CORIN: variants seen among roughly 807,000 people sequenced by gnomAD.
The protein encoded by CORIN is atrial natriuretic peptide-converting enzyme.
In CORIN, 117 loss-of-function variants were observed where a neutral mutation model predicts 125.3. That is an observed-to-expected ratio of 0.93 (90% confidence interval 0.80 to 1.09). The LOEUF is 1.09. Among genes scored for constraint, CORIN ranks in the 50% least tolerant of loss-of-function variants. The probability of loss-of-function intolerance (pLI) is 0.00; values close to 1 mark genes in which losing one functional copy is unlikely to be tolerated. For missense variants in CORIN, 1,253 were observed against 1,306.7 expected (o/e 0.96, Z 0.63); for synonymous variants, 450 against 466.4 (o/e 0.96, Z 0.45).
intron 5 of CORIN, among the ~76,000 whole-genome samples, chr4:47,720,006 A>G (rs1173571424): frequency 2.0e-5 from 3 of 152,172 alleles, no homozygotes; most frequent in East Asian, 3.8e-4. Flanking sequence ...GGTCTAAAGG[A>G]CATATGTGCA....
chr4:47,702,617 T>C (rs539079402), intron 5 of CORIN, among the ~76,000 whole-genome samples: 1 of 152,220 alleles, frequency 6.6e-6, no homozygotes, highest in Non-Finnish European at 1.5e-5. Flanking sequence ...ACCAAACTTA[T>C]TTTTAATCAC....
intron 19 of CORIN, among the ~76,000 whole-genome samples, chr4:47,606,440 G>C (rs1721647226): frequency 6.6e-6 from 1 of 152,024 alleles, no homozygotes; most frequent in Non-Finnish European, 1.5e-5. Flanking sequence ...TGGAATTTTA[G>C]TAGAGATAAG....
intron 1 of CORIN, among the ~76,000 whole-genome samples, chr4:47,827,739 G>A (rs1732805783): frequency 6.6e-6 from 1 of 152,076 alleles, no homozygotes; most frequent in East Asian, 1.9e-4. Context: ...GAAGGCATAG[G>A]GGCATATTTC....
At chr4:47,681,221 C>G (rs1234351007) in intron 7 of CORIN, 1 of 152,118 alleles carries the variant, frequency 6.6e-6, no homozygotes, top group Non-Finnish European at 1.5e-5. Context: ...GACCATGGAT[C>G]TTAAAGCATA....
rs778903138 is a variant in CORIN at position 47,626,483 on chromosome 4, T to C, written c.2237A>G (p.Lys746Arg). The change falls in exon 17 of 22, where the codon AAA becomes AGA. Residue 746 changes from lysine to arginine, a missense_variant. Physicochemically the swap from Lys to Arg is conservative, Grantham distance 26. Transcript: ENST00000273857. ...SVTKLIQEQE[K>R]EPRWLTLHSN... is the part of the protein sequence containing the mutation. ...GTGTAATGTCAGCCACCGCGGCTCT[T>C]TCTCCTGTTCCTGTATCAATTTGGT... The C allele has an allele frequency of 4.3e-6, 7 of 1,614,048 alleles. No homozygotes were observed. The East Asian group carries it at 1.6e-4, about 36-fold the overall frequency.
chr4:47,676,377 T>C (rs149614524), intron 9 of CORIN, among the ~76,000 whole-genome samples: 205 of 152,294 alleles, frequency 1.3e-3, no homozygotes, highest in South Asian at 2.1e-3. Flanking sequence ...TCTTTTTGGT[T>C]AACCCCACTC....
chr4:47,679,992 AT>A, intron 8 of CORIN, 148 bp downstream of exon 8: 1 of 556,148 alleles, frequency 1.8e-6, no homozygotes, highest in Non-Finnish European at 3.2e-6. Context: ...TGACTCAGTG[AT>A]CTTTACAGGC....
chr4:47,773,069 C>T (rs894073950), intron 3 of CORIN, among the ~76,000 whole-genome samples: 2 of 151,752 alleles, frequency 1.3e-5, no homozygotes, highest in Non-Finnish European at 2.9e-5. Context: ...TTTAAAAATA[C>T]GTATTGAGTC....
chr4:47,696,817 C>T (rs533929986), intron 5 of CORIN, among the ~76,000 whole-genome samples: 8 of 152,284 alleles, frequency 5.3e-5, no homozygotes, highest in African/African-American at 1.9e-4. Context: ...CAATTGCTTC[C>T]AGCTTCCTAG....
chr4:47,595,458 T>A lies in CORIN; in HGVS notation c.*263A>T. 5.4e-5 allele frequency: 13 copies of A among 240,798 alleles called. No individual in the cohort carries two copies. The highest frequency in any genetic ancestry group is 8.3e-5 in the East Asian group (1 of 12,026). The allele number at this position is 240,798 out of a possible 1,614,324, so 14.9% of individuals were successfully genotyped here. A position where few individuals can be genotyped will look rare whatever the true frequency, so the allele number is the denominator to read the frequency against. On this transcript the variant is annotated 3_prime_UTR_variant, in exon 22 of 22. Coordinates refer to ENST00000273857, the MANE Select transcript of CORIN (RefSeq NM_006587.4). ...AGTCGATAATTTTGTGCTGCAGTCA[T>A]GGTTAGGCCTGGCAAAAGGACAAAG...
chr4:47,712,233 C>A (rs965590310), intron 5 of CORIN, among the ~76,000 whole-genome samples: 1 of 152,016 alleles, frequency 6.6e-6, no homozygotes, highest in Non-Finnish European at 1.5e-5. Flanking sequence ...CATAATATGA[C>A]ACATTATCAT....
chr4:47,660,692 A>G (rs1047902366), intron 12 of CORIN, among the ~76,000 whole-genome samples: 1 of 152,218 alleles, frequency 6.6e-6, no homozygotes, highest in African/African-American at 2.4e-5. Flanking sequence ...GCTAGCAAGG[A>G]TGTGGAGAAA....
intron 10 of CORIN, among the ~76,000 whole-genome samples, chr4:47,670,011 T>G (rs752700421): frequency 1.3e-5 from 2 of 152,222 alleles, no homozygotes; most frequent in Non-Finnish European, 2.9e-5. Context: ...CTTTATAATT[T>G]AACTATAGAA....
intron 5 of CORIN, among the ~76,000 whole-genome samples, chr4:47,732,727 C>T (rs1727935950): frequency 6.6e-6 from 1 of 152,096 alleles, no homozygotes; most frequent in Admixed American, 6.5e-5. Flanking sequence ...CCACGCCCGG[C>T]TTTTTTATAT....
intron 5 of CORIN, among the ~76,000 whole-genome samples, chr4:47,741,420 C>T (rs1728390808): frequency 6.6e-6 from 1 of 151,920 alleles, no homozygotes; most frequent in South Asian, 2.1e-4. Flanking sequence ...CAGCTATAAA[C>T]AAAAGAGACA....
chr4:47,632,725 T>TGATAGATAGATA (rs1553905875), intron 16 of CORIN, among the ~76,000 whole-genome samples: 5,923 of 126,690 alleles, frequency 0.047, 148 homozygotes, highest in South Asian at 0.061. Flanking sequence ...TGACAATAGA[T>TGATAGATAGATA]GATAGATAGA....
chr4:47,694,244 G>A (rs115201447), intron 5 of CORIN, among the ~76,000 whole-genome samples: 1,969 of 152,226 alleles, frequency 0.013, 24 homozygotes, highest in Middle Eastern at 0.031. Context: ...GTTTGGCATC[G>A]GGAGAGGTAT....
chr4:47,832,916 A>G (rs1434791526), intron 1 of CORIN, among the ~76,000 whole-genome samples: 2 of 152,184 alleles, frequency 1.3e-5, no homozygotes, highest in African/African-American at 4.8e-5. Context: ...GACTGAAGAA[A>G]TAAATTTTTA....
intron 17 of CORIN, among the ~76,000 whole-genome samples, chr4:47,625,445 T>C (rs1560477851): frequency 6.6e-6 from 1 of 152,134 alleles, no homozygotes; most frequent in Non-Finnish European, 1.5e-5. Context: ...ATTTATTTAC[T>C]TGACCTGAAA....
Sources: allele counts gnomAD v4.1 joint callset (sites outside exome capture counted in the v4.1 genomes callset), GRCh38; gene constraint gnomAD v4.1.1; transcripts MANE v1.5; gene names NCBI Gene and HGNC (gene_info 2026-07-23, HGNC 2026-07-21).